The following KATNAL2 variants were observed in gnomAD, a reference collection of about 807,000 sequenced individuals.
KATNAL2 encodes the protein katanin catalytic subunit A1 like 2, also known as katanin p60 ATPase-containing subunit A-like 2.
KATNAL2 carries 52 observed loss-of-function variants against 76.3 expected under a neutral mutation model. The observed-to-expected ratio is 0.68, with a 90% confidence interval of 0.55 to 0.86. KATNAL2 has a LOEUF of 0.86. KATNAL2 is among the 40% of genes least tolerant of loss of function. The pLI, the probability that KATNAL2 is intolerant of heterozygous loss-of-function variation, is 0.00. For synonymous variants in KATNAL2, 243 were observed against 244.2 expected (o/e 1.00, Z 0.05); for missense variants, 660 against 668.9 (o/e 0.99, Z 0.15).
intron 3 of KATNAL2, among the ~76,000 whole-genome samples, chr18:46,947,602 A>C (rs867949924): frequency 6.6e-6 from 1 of 152,184 alleles, no homozygotes. Flanking sequence ...GGAAAAATAA[A>C]AATAAAGTTA....
At chr18:46,919,029 GTGTTGTGTA>G (rs2058346187) in intron 1 of KATNAL2, among the ~76,000 whole-genome samples, 2 of 150,730 alleles carry the variant, frequency 1.3e-5, no homozygotes, top group Admixed American at 1.3e-4. Context: ...GTGTGTGTGT[GTGTTGTGTA>G]TATATACACA....
chr18:46,965,576 TCCCCG>T (rs143813254), intron 3 of KATNAL2, among the ~76,000 whole-genome samples: 3 of 68,720 alleles, frequency 4.4e-5, no homozygotes, highest in African/African-American at 2.0e-4. Context: ...CCCTCTAGCA[TCCCCG>T]CCCCCCCCCC....
chr18:47,033,103 G>A (rs752305217), intron 3 of KATNAL2: 1 of 1,614,098 alleles, frequency 6.2e-7, no homozygotes, highest in Non-Finnish European at 8.5e-7. Flanking sequence ...CGCGGGCGCC[G>A]CGTGCTCATT....
At chr18:47,083,567 T>C (rs2062631531) in intron 15 of KATNAL2, among the ~76,000 whole-genome samples, 1 of 152,214 alleles carries the variant, frequency 6.6e-6, no homozygotes, top group South Asian at 2.1e-4. Context: ...CCTTTGTTTA[T>C]TCAGCCCTTC....
At chr18:47,078,714 C>A (rs935968471) in intron 15 of KATNAL2, among the ~76,000 whole-genome samples, 7 of 152,096 alleles carry the variant, frequency 4.6e-5, no homozygotes, top group East Asian at 1.9e-4. Context: ...GAATAGAGGA[C>A]CTTCTACCCC....
At chr18:47,051,880 C>T (rs1047083158) in intron 4 of KATNAL2, among the ~76,000 whole-genome samples, 3 of 152,076 alleles carry the variant, frequency 2.0e-5, no homozygotes, top group Non-Finnish European at 4.4e-5. Context: ...GCCTGGGCAT[C>T]ATAAGGAGAC....
chr18:47,041,914 TG>T (rs2060978384), intron 3 of KATNAL2, among the ~76,000 whole-genome samples: 1 of 152,256 alleles, frequency 6.6e-6, no homozygotes, highest in African/African-American at 2.4e-5. Context: ...AAGTGTGCAG[TG>T]GTACTTCACT....
intron 3 of KATNAL2, among the ~76,000 whole-genome samples, chr18:46,955,140 C>CTCGCTTTCTTTCTT (rs1555834695): frequency 1.2e-5 from 1 of 85,020 alleles, no homozygotes; most frequent in African/African-American, 4.5e-5. Flanking sequence ...CTTTCTCTCT[C>CTCGCTTTCTTTCTT]TCTTTCTTTC....
At chr18:46,921,453 A>T (rs1251027950) in intron 1 of KATNAL2, among the ~76,000 whole-genome samples, 1 of 152,206 alleles carries the variant, frequency 6.6e-6, no homozygotes, top group Non-Finnish European at 1.5e-5. Flanking sequence ...TTAATACACG[A>T]AGTCAAAAAT....
intron 15 of KATNAL2, among the ~76,000 whole-genome samples, chr18:47,089,867 C>A (rs1193649879): frequency 6.6e-6 from 1 of 152,110 alleles, no homozygotes; most frequent in African/African-American, 2.4e-5. Context: ...AAGTAAGTAG[C>A]CCTGCACCTA....
chr18:46,940,614 A>G (rs917000387), intron 1 of KATNAL2, among the ~76,000 whole-genome samples: 1 of 152,180 alleles, frequency 6.6e-6, no homozygotes, highest in Non-Finnish European at 1.5e-5. Context: ...TCAATCTTGC[A>G]TGCCTAGAGA....
intron 8 of KATNAL2, among the ~76,000 whole-genome samples, chr18:47,061,564 T>C (rs1359137159): frequency 6.6e-6 from 1 of 152,156 alleles, no homozygotes; most frequent in Non-Finnish European, 1.5e-5. Context: ...GCACACATCC[T>C]TACTACATCA....
chr18:46,935,489 A>T (rs1368475755), intron 1 of KATNAL2, among the ~76,000 whole-genome samples: 1 of 152,110 alleles, frequency 6.6e-6, no homozygotes, highest in Non-Finnish European at 1.5e-5. Context: ...TAAATGGACT[A>T]TATTGTCCAG....
intron 1 of KATNAL2, among the ~76,000 whole-genome samples, chr18:46,941,046 CTT>C (rs1568995247): frequency 6.6e-6 from 1 of 152,078 alleles, no homozygotes; most frequent in Non-Finnish European, 1.5e-5. Context: ...AACAAAAAAA[CTT>C]ATGATTAAAA....
At chr18:47,053,528 C>A (rs1015739369) in intron 5 of KATNAL2, among the ~76,000 whole-genome samples, 4 of 152,070 alleles carry the variant, frequency 2.6e-5, no homozygotes, top group African/African-American at 4.8e-5. Context: ...TATAAAAACC[C>A]AGTATAGGTT....
intron 8 of KATNAL2, among the ~76,000 whole-genome samples, chr18:47,062,154 A>C (rs2061653343): frequency 6.6e-6 from 1 of 152,122 alleles, no homozygotes; most frequent in Non-Finnish European, 1.5e-5. Context: ...CTAAGGTGGG[A>C]GTATAACTCG....
chr18:47,035,946 A>C (rs889318832), intron 3 of KATNAL2, among the ~76,000 whole-genome samples: 1 of 152,248 alleles, frequency 6.6e-6, no homozygotes, highest in African/African-American at 2.4e-5. Flanking sequence ...CAAATTTGTC[A>C]AAACAGGGAT....
chr18:46,934,226 G>A (rs1235014404), intron 1 of KATNAL2, among the ~76,000 whole-genome samples: 1 of 152,166 alleles, frequency 6.6e-6, no homozygotes, highest in Admixed American at 6.5e-5. Context: ...TCGCCACACT[G>A]ACTTCCACAA....
chr18:47,035,676 C>G (rs772020509), intron 3 of KATNAL2: 2 of 328,808 alleles, frequency 6.1e-6, no homozygotes, highest in Non-Finnish European at 5.9e-6. Flanking sequence ...ACAATGCAGA[C>G]AATCGGGACG....
Sources: gnomAD v4.1 joint callset for allele counts (sites outside exome capture counted in the v4.1 genomes callset) on GRCh38, gnomAD v4.1.1 for gene constraint, MANE v1.5 for transcripts, NCBI Gene and HGNC (gene_info 2026-07-23, HGNC 2026-07-21) for gene names.